The following SRP72 variants were observed in gnomAD, a reference collection of about 807,000 sequenced individuals.
SRP72 encodes the protein signal recognition particle subunit SRP72.
SRP72 carries 49 observed loss-of-function variants against 96.3 expected under a neutral mutation model. The observed-to-expected ratio is 0.51, with a 90% CI of 0.40 to 0.65. SRP72 has a LOEUF of 0.65. SRP72 is among the 30% of genes least tolerant of loss of function. The pLI, the probability that SRP72 is intolerant of heterozygous loss-of-function variation, is 0.00. For synonymous variants in SRP72, 267 were observed against 275.2 expected (o/e 0.97, Z 0.30); for missense variants, 736 against 793.3 (o/e 0.93, Z 0.87).
At position 56,484,748 on chromosome 4, in the gene SRP72, C is replaced by T. The variant is rs367919002; in HGVS notation, c.970C>T (p.Arg324Cys). The T allele has an allele frequency of 3.4e-5, 55 of 1,613,860 alleles. No individual in the cohort carries two copies. Among genetic ancestry groups the T allele is most frequent in the African/African-American group, 1.7e-4 (13 of 74,880 alleles). Reference protein sequence around the residue: ...AMYTNQAEQCRKISASLQSQS... With the variant: ...AMYTNQAEQCCKISASLQSQS... Reference sequence around the variant, plus strand: ...GGATATCTTCTAGGCTGAACAATGCCGCAAAATATCTGCCAGTTTACAGTC... The same window carrying T: ...GGATATCTTCTAGGCTGAACAATGCTGCAAAATATCTGCCAGTTTACAGTC... The change falls in exon 10 of 19, where the codon CGC becomes TGC. Residue 324 changes from arginine to cysteine, a missense_variant. Arg to Cys is a radical substitution (Grantham distance 180). Transcript: ENST00000642900.
chr4:56,474,491 A>G (rs748497175), intron 5 of SRP72, 100 bp downstream of exon 5: 1 of 1,022,434 alleles, frequency 9.8e-7, no homozygotes. Context: ...TATTAAATGG[A>G]AGTTATTGAT....
chr4:56,501,790 C>G lies in SRP72; in HGVS notation c.1945C>G (p.Pro649Ala). 1 of 1,614,010 alleles carries G rather than the reference C, an allele frequency of 6.2e-7. No individual in the cohort carries two copies. Among genetic ancestry groups the G allele is most frequent in the Non-Finnish European group, 8.5e-7 (1 of 1,179,988 alleles). The change falls in exon 19 of 19, where the codon CCT becomes GCT. Residue 649 changes from proline to alanine, a missense_variant. Physicochemically the swap from Pro to Ala is conservative, Grantham distance 27. This residue lies in a region of SRP72 where 388 missense variants were observed against 431.8 expected (regional missense o/e 0.90). Transcript: ENST00000642900. The part of the protein sequence containing the change: ...SNIIPPRHQK[P>A]AGAPATKKKQ... ...CATCATACCCCCAAGACACCAGAAA[C>G]CTGCAGGGGCTCCAGCAACAAAAAA...
chr4:56,488,184 T>C (rs1429024794), intron 12 of SRP72, among the ~76,000 whole-genome samples, 171 bp downstream of exon 12: 2 of 152,192 alleles, frequency 1.3e-5, no homozygotes, highest in Non-Finnish European at 2.9e-5. Context: ...TGCTCTGGTA[T>C]TGGTTTCTTA....
At chr4:56,491,398 A>G (rs1553947206) in intron 15 of SRP72, 33 bp from the exon 16 acceptor site, 2 of 1,606,772 alleles carry the variant, frequency 1.2e-6, no homozygotes, top group South Asian at 2.2e-5. Flanking sequence ...GTGTTTGTGT[A>G]TATTATGTTC....
chr4:56,488,759 A>G (rs1437679164), intron 12 of SRP72, among the ~76,000 whole-genome samples: 1 of 152,218 alleles, frequency 6.6e-6, no homozygotes, highest in Non-Finnish European at 1.5e-5. Flanking sequence ...TAATATCTAT[A>G]GAACCTCTCT....
intron 2 of SRP72, among the ~76,000 whole-genome samples, chr4:56,470,412 C>T (rs1719928292): frequency 1.3e-5 from 2 of 152,140 alleles, no homozygotes; most frequent in South Asian, 2.1e-4. Context: ...TGGTGGTGTG[C>T]ACCTGTATTC....
intron 15 of SRP72, 70 bp from the exon 16 acceptor site, chr4:56,491,361 C>A: frequency 6.6e-7 from 1 of 1,509,126 alleles, no homozygotes; most frequent in Non-Finnish European, 8.9e-7. Context: ...GATACATTGG[C>A]AAACATATAT....
At chr4:56,498,678 C>T (rs1003441353) in intron 17 of SRP72, among the ~76,000 whole-genome samples, 5 of 152,122 alleles carry the variant, frequency 3.3e-5, no homozygotes, top group African/African-American at 1.2e-4. Context: ...ACAATTGCTA[C>T]AAAAGAATAA....
Position 56,500,708 on chromosome 4 carries a change from T to A in SRP72, c.1838+13T>A. 8 of 1,608,112 alleles carry A rather than the reference T, an allele frequency of 5.0e-6. No individual in the cohort carries two copies. The highest frequency in any genetic ancestry group is 6.8e-6 in the Non-Finnish European group (8 of 1,176,966). ...CTTCATCTGAACTGTAAGTTATTGC[T>A]CCACAATTGAGGGCACTTAGAACAT... is the stretch of plus-strand genomic sequence containing the variant. On this transcript the variant is annotated intron_variant, in intron 18 of 18. Coordinates refer to ENST00000642900, the MANE Select transcript of SRP72 (RefSeq NM_006947.4).
In SRP72 at chr4:56,478,431, T is replaced by A. The variant is rs1446235601; in HGVS notation, c.695T>A (p.Met232Lys). The A allele has an allele frequency of 6.2e-7, 1 of 1,613,464 alleles. No individual in the cohort carries two copies. The highest frequency in any genetic ancestry group is 8.5e-7 in the Non-Finnish European group (1 of 1,179,984). ...GAACTGGCCATCATTCATGGTCAGATGGCTTATATTCTGCAGCTTCAGGGT... is the reference window on the plus strand; with the variant it reads ...GAACTGGCCATCATTCATGGTCAGAAGGCTTATATTCTGCAGCTTCAGGGT... Reference protein sequence around the residue: ...QAELAIIHGQMAYILQLQGRT... With the variant: ...QAELAIIHGQKAYILQLQGRT... The change falls in exon 7 of 19, where the codon ATG (methionine) becomes AAG (lysine). Residue 232 changes from methionine (M) to lysine (K), a missense_variant. Physicochemically the swap from Met to Lys is moderately conservative, Grantham distance 95. This residue lies in a region of SRP72 where 329 missense variants were observed against 319.0 expected (regional missense o/e 1.03). Transcript: ENST00000642900.
At chr4:56,479,680 CA>C (rs1720404271) in intron 8 of SRP72, among the ~76,000 whole-genome samples, 1 of 151,722 alleles carries the variant, frequency 6.6e-6, no homozygotes, top group South Asian at 2.1e-4. Flanking sequence ...AGAGTCTTGC[CA>C]TGTTGCCCAG....
intron 5 of SRP72, among the ~76,000 whole-genome samples, chr4:56,474,940 C>T (rs1464615160): frequency 6.6e-6 from 1 of 152,182 alleles, no homozygotes; most frequent in African/African-American, 2.4e-5. Context: ...CTGCCTTGGC[C>T]TCCTAAAGTG....
chr4:56,491,304 G>T, intron 15 of SRP72, 127 bp from the exon 16 acceptor site: 3 of 960,058 alleles, frequency 3.1e-6, no homozygotes, highest in Non-Finnish European at 3.1e-6. Flanking sequence ...AACATTTTTT[G>T]CTTTTGTTGA....
chr4:56,478,954 T>C (rs1720358786), intron 8 of SRP72, among the ~76,000 whole-genome samples: 1 of 152,144 alleles, frequency 6.6e-6, no homozygotes, highest in Non-Finnish European at 1.5e-5. Context: ...CTTTTAAACT[T>C]TTAAGTATAC....
At chr4:56,485,165 A>T (rs1191331562) in intron 10 of SRP72, among the ~76,000 whole-genome samples, 1 of 152,170 alleles carries the variant, frequency 6.6e-6, no homozygotes, top group Non-Finnish European at 1.5e-5. Context: ...TCCAGAACAT[A>T]CTTAACCTCT....
intron 2 of SRP72, among the ~76,000 whole-genome samples, chr4:56,470,159 G>A (rs1174017969): frequency 6.6e-6 from 1 of 151,744 alleles, no homozygotes; most frequent in Admixed American, 6.6e-5. Flanking sequence ...GCATATTAAT[G>A]GGATACTGGT....
chr4:56,490,347 T>C lies in SRP72; in HGVS notation c.1335T>C (p.Ala445=). The C allele has an allele frequency of 6.2e-7, 1 of 1,610,016 alleles. No homozygotes were observed. The highest frequency in any genetic ancestry group is 1.7e-5 in the Admixed American group (1 of 58,954). ...WYQNHQPKSP[A]HLSLIREAAN... ...TGAAACTGTAGCCAAAATCTCCTGC[T>C]CATTTGTCCTTGATAAGAGAAGCTG... The change falls in exon 14 of 19, where the codon GCT becomes GCC. Residue 445 remains alanine, a synonymous_variant. Coordinates refer to ENST00000642900, the MANE Select transcript of SRP72 (RefSeq NM_006947.4).
intron 16 of SRP72, 177 bp downstream of exon 16, chr4:56,491,745 A>G (rs550116401): frequency 1.9e-6 from 1 of 532,238 alleles, no homozygotes; most frequent in South Asian, 3.7e-5. Flanking sequence ...CCTCAGCCCA[A>G]AATTAACCTC....
At chr4:56,485,812 G>A (rs1720690915) in intron 10 of SRP72, among the ~76,000 whole-genome samples, 1 of 151,874 alleles carries the variant, frequency 6.6e-6, no homozygotes, top group Admixed American at 6.6e-5. Context: ...GAAAAAAAAA[G>A]CACATTTTGA....
Sources: allele counts gnomAD v4.1 joint callset (sites outside exome capture counted in the v4.1 genomes callset), GRCh38; gene constraint gnomAD v4.1.1; regional missense constraint gnomAD v4.1.1; transcripts MANE v1.5; gene names NCBI Gene and HGNC (gene_info 2026-07-23, HGNC 2026-07-21).